L3MBTL3: variants seen among roughly 807,000 people sequenced by gnomAD.
The protein encoded by L3MBTL3 is lethal(3)malignant brain tumor-like protein 3.
L3MBTL3 carries 27 observed loss-of-function variants against 102.3 expected under a neutral mutation model. The ratio of observed to expected loss-of-function variants is 0.26; its 90% CI spans 0.19 to 0.36. The LOEUF (loss-of-function observed/expected upper bound fraction) is 0.36. Among genes scored for constraint, L3MBTL3 ranks in the 10% least tolerant of loss-of-function variants. L3MBTL3 has a pLI of 1.00. For missense variants in L3MBTL3, 798 were observed against 955.3 expected, an observed-to-expected ratio of 0.84 and a Z score of 2.17; for synonymous variants, 340 against 320.9, an observed-to-expected ratio of 1.06 and a Z score of -0.64.
intron 10 of L3MBTL3, among the ~76,000 whole-genome samples, chr6:130,061,014 A>G (rs1781858058): frequency 6.6e-6 from 1 of 151,546 alleles, no homozygotes; most frequent in Admixed American, 6.6e-5. Context: ...TCAGTCAATG[A>G]TAACATACGG....
chr6:130,058,743 C>G lies in L3MBTL3; in HGVS notation c.759+1246C>G, dbSNP rs138637376. On this transcript the variant is annotated intron_variant, in intron 9 of 22. Transcript: ENST00000361794. The stretch of plus-strand genomic sequence containing the variant: ...AAAGCAGCCATAGAGAATAGGTAGA[C>G]AAGTGGGCATCGCTATGTTCCAGTA... Among the ~76,000 whole-genome samples, 290 of 152,302 alleles carry G rather than the reference C, an allele frequency of 1.9e-3. 5 individuals carry two copies. The highest frequency in any genetic ancestry group is 0.019 in the East Asian group (97 of 5,184).
chr6:130,026,949 G>A (rs1029457034), intron 2 of L3MBTL3, among the ~76,000 whole-genome samples: 1 of 152,070 alleles, frequency 6.6e-6, no homozygotes, highest in African/African-American at 2.4e-5. Context: ...AAATGGAGGG[G>A]TGGTGTGGTA....
Position 130,054,934 on chromosome 6 carries a change from CG to C in L3MBTL3, c.583-233del, listed in dbSNP as rs1431289107. 5.3e-5 allele frequency among the ~76,000 whole-genome samples: 8 copies of C among 152,248 alleles called. No homozygotes were observed. The East Asian group carries it at 1.5e-3, about 29-fold the overall frequency. ...TGAGAGCAGAAAGTGTTTCAAGGAG[CG>C]GGGAGCGGTGTCCATGCCCTTCCAA... On this transcript the variant is annotated intron_variant, in intron 7 of 22. Coordinates refer to ENST00000361794, the MANE Select transcript of L3MBTL3 (RefSeq NM_032438.4).
chr6:130,076,922 TA>T (rs1782990754), intron 13 of L3MBTL3, among the ~76,000 whole-genome samples: 1 of 152,170 alleles, frequency 6.6e-6, no homozygotes. Flanking sequence ...TTAAACTTTA[TA>T]TTAGATTCAG....
chr6:130,069,541 T>A (rs1004101358), intron 12 of L3MBTL3, among the ~76,000 whole-genome samples: 4 of 152,204 alleles, frequency 2.6e-5, no homozygotes, highest in African/African-American at 9.6e-5. Flanking sequence ...AGCTTATTAT[T>A]TTAAAACATC....
chr6:130,090,567 A>G (rs184530735), intron 16 of L3MBTL3, among the ~76,000 whole-genome samples: 19 of 151,994 alleles, frequency 1.3e-4, no homozygotes, highest in Non-Finnish European at 2.4e-4. Context: ...AGTGAAAGCA[A>G]TTGTCTTTTT....
chr6:130,130,490 A>C (rs1201130095), intron 20 of L3MBTL3, among the ~76,000 whole-genome samples: 1 of 152,334 alleles, frequency 6.6e-6, no homozygotes, highest in East Asian at 1.9e-4. Flanking sequence ...AATATGTACA[A>C]ATATTGTATT....
chr6:130,120,671 G>A (rs1786096181), intron 19 of L3MBTL3, among the ~76,000 whole-genome samples: 1 of 152,144 alleles, frequency 6.6e-6, no homozygotes, highest in African/African-American at 2.4e-5. Flanking sequence ...TCTTCTTCCT[G>A]AATAGGAAAT....
At chr6:130,121,340 TC>T in intron 20 of L3MBTL3, among the ~76,000 whole-genome samples, 1 of 152,180 alleles carries the variant, frequency 6.6e-6, no homozygotes. Flanking sequence ...TTTTTTCTGT[TC>T]CTGCATTAGT....
intron 2 of L3MBTL3, among the ~76,000 whole-genome samples, chr6:130,041,870 C>T (rs1780439561): frequency 6.6e-6 from 1 of 152,172 alleles, no homozygotes; most frequent in South Asian, 2.1e-4. Context: ...TATTTAGACA[C>T]CACAGTCTGA....
At chr6:130,076,491 C>A (rs1782959026) in intron 13 of L3MBTL3, among the ~76,000 whole-genome samples, 1 of 151,970 alleles carries the variant, frequency 6.6e-6, no homozygotes, top group African/African-American at 2.4e-5. Context: ...TGGTTTCTGG[C>A]CCTTTTAGAA....
intron 11 of L3MBTL3, among the ~76,000 whole-genome samples, chr6:130,067,288 GT>G (rs1782324700): frequency 6.6e-6 from 1 of 151,976 alleles, no homozygotes; most frequent in African/African-American, 2.4e-5. Context: ...TGATTTTTGT[GT>G]TTTTATTAGA....
intron 9 of L3MBTL3, 132 bp from the exon 10 acceptor site, chr6:130,059,904 T>C: frequency 8.7e-6 from 5 of 572,446 alleles, no homozygotes; most frequent in Non-Finnish European, 1.5e-5. Flanking sequence ...TATTTATTGA[T>C]TTCTTTTTCT....
intron 2 of L3MBTL3, among the ~76,000 whole-genome samples, chr6:130,035,160 A>C (rs1022029414): frequency 3.3e-5 from 5 of 152,266 alleles, no homozygotes; most frequent in African/African-American, 1.2e-4. Flanking sequence ...TTCATTAAAA[A>C]AATTATTTAA....
chr6:130,069,243 A>C (rs573359651), intron 12 of L3MBTL3, among the ~76,000 whole-genome samples: 1 of 152,302 alleles, frequency 6.6e-6, no homozygotes, highest in Admixed American at 6.5e-5. Flanking sequence ...TTCCAGAGTC[A>C]CCAGGCTGGT....
At chr6:130,087,891 T>C (rs1386894915) in intron 16 of L3MBTL3, among the ~76,000 whole-genome samples, 1 of 152,076 alleles carries the variant, frequency 6.6e-6, no homozygotes, top group Admixed American at 6.6e-5. Context: ...GAAAGAATCA[T>C]ACCAAAGTAA....
At chr6:130,092,147 AAAAC>A (rs1784091842) in intron 16 of L3MBTL3, among the ~76,000 whole-genome samples, 1 of 152,204 alleles carries the variant, frequency 6.6e-6, no homozygotes, top group Non-Finnish European at 1.5e-5. Context: ...AATTAAAAAT[AAAAC>A]AATAATAGAA....
chr6:130,025,947 A>G (rs542263527), intron 2 of L3MBTL3, among the ~76,000 whole-genome samples: 3 of 152,088 alleles, frequency 2.0e-5, no homozygotes, highest in Non-Finnish European at 2.9e-5. Context: ...CTAGTTGGGG[A>G]GATAACCCAT....
chr6:130,036,125 G>A (rs1584292243), intron 2 of L3MBTL3, among the ~76,000 whole-genome samples: 1 of 152,204 alleles, frequency 6.6e-6, no homozygotes, highest in East Asian at 1.9e-4. Context: ...TCAGGAACAC[G>A]AATTGTTGAA....
Sources: allele counts gnomAD v4.1 joint callset (sites outside exome capture counted in the v4.1 genomes callset), GRCh38; gene constraint gnomAD v4.1.1; transcripts MANE v1.5; gene names NCBI Gene and HGNC (gene_info 2026-07-23, HGNC 2026-07-21).